Variants in MYH11 observed in about 807,000 individuals in gnomAD.
MYH11 encodes myosin heavy chain 11.
A neutral mutation model predicts 246.6 loss-of-function variants in MYH11; 80 were observed. The ratio of observed to expected loss-of-function variants is 0.32; its 90% CI spans 0.27 to 0.39. The LOEUF is 0.39. MYH11 is among the 10% of genes least tolerant of loss of function. The pLI, the probability that MYH11 is intolerant of heterozygous loss-of-function variation, is 1.00. For synonymous variants in MYH11, 1,071 were observed against 1,015.5 expected (o/e 1.05, Z -1.04); for missense variants, 2,158 against 2,546.8 (o/e 0.85, Z 3.29).
At chr16:15,763,741 T>TTC in intron 10 of MYH11, 55 bp downstream of exon 10, 6 of 646,862 alleles carry the variant, frequency 9.3e-6, no homozygotes, top group Admixed American at 2.1e-5. Flanking sequence ...AAATGTCACC[T>TTC]CCCCCACCCC....
chr16:15,804,925 T>G (rs961567239), intron 3 of MYH11, among the ~76,000 whole-genome samples: 8 of 152,230 alleles, frequency 5.3e-5, no homozygotes, highest in African/African-American at 1.9e-4. Context: ...ACATTTGGGT[T>G]ATTTCCACCT....
intron 3 of MYH11, among the ~76,000 whole-genome samples, chr16:15,818,464 G>A (rs186830678): frequency 1.2e-3 from 178 of 151,872 alleles, no homozygotes; most frequent in Admixed American, 6.0e-3. Context: ...ATGGAGTCTC[G>A]CTTTGTTGCC....
intron 3 of MYH11, among the ~76,000 whole-genome samples, chr16:15,803,003 G>A (rs931982981): frequency 3.3e-5 from 5 of 151,810 alleles, no homozygotes; most frequent in African/African-American, 9.7e-5. Context: ...CAGGCATGGC[G>A]GCAGGCACCT....
chr16:15,763,760 C>CCAAA, intron 10 of MYH11, 36 bp downstream of exon 10: 2 of 1,192,084 alleles, frequency 1.7e-6, no homozygotes, highest in Non-Finnish European at 1.3e-6. Context: ...CCCCCAACCC[C>CCAAA]AAAGTCATTG....
chr16:15,814,371 G>A (rs931539825), intron 3 of MYH11, among the ~76,000 whole-genome samples: 1 of 151,646 alleles, frequency 6.6e-6, no homozygotes, highest in Non-Finnish European at 1.5e-5. Context: ...TGACCAACAT[G>A]GTTGAACCCC....
chr16:15,719,739 G>A, intron 34 of MYH11, 26 bp from the exon 35 acceptor site: 2 of 1,613,872 alleles, frequency 1.2e-6, no homozygotes, highest in Non-Finnish European at 1.7e-6. Context: ...GGGAGGACAA[G>A]CTCAGATGTC....
intron 1 of MYH11, among the ~76,000 whole-genome samples, chr16:15,842,159 G>A (rs988681331): frequency 1.3e-5 from 2 of 152,164 alleles, no homozygotes; most frequent in Non-Finnish European, 2.9e-5. Flanking sequence ...GGCCAAGGCC[G>A]GTGGAACACC....
intron 3 of MYH11, among the ~76,000 whole-genome samples, chr16:15,806,279 C>CAAAAAAAAAA (rs71134463): frequency 4.9e-5 from 3 of 61,126 alleles, no homozygotes; most frequent in African/African-American, 5.5e-5. Context: ...CACTCTGTCT[C>CAAAAAAAAAA]AAAAAAAAAA....
intron 2 of MYH11, among the ~76,000 whole-genome samples, chr16:15,829,561 G>A (rs777777649): frequency 1.3e-5 from 2 of 152,108 alleles, no homozygotes; most frequent in Non-Finnish European, 2.9e-5. Context: ...CTGCCTCTCT[G>A]GCCCCACGAG....
chr16:15,742,240 G>T, intron 20 of MYH11: 1 of 405,812 alleles, frequency 2.5e-6, no homozygotes, highest in South Asian at 2.3e-5. Context: ...CCCCACTTTA[G>T]AACCATCCCA....
chr16:15,820,390 C>T (rs1161337856), intron 3 of MYH11, among the ~76,000 whole-genome samples: 3 of 151,122 alleles, frequency 2.0e-5, no homozygotes, highest in Admixed American at 6.6e-5. Flanking sequence ...AGTAGAATCG[C>T]TTGAACCCAG....
At chr16:15,852,654 C>A (rs72773918) in intron 1 of MYH11, among the ~76,000 whole-genome samples, 7,059 of 152,096 alleles carry the variant, frequency 0.046, 254 homozygotes, top group East Asian at 0.17. Context: ...TGTCTTTAGC[C>A]AGTCATTTGC....
chr16:15,779,198 C>G, intron 6 of MYH11: 1 of 387,380 alleles, frequency 2.6e-6, no homozygotes, highest in South Asian at 2.2e-5. Context: ...GGTGCAATCA[C>G]AGCTCACTGT....
intron 36 of MYH11, 64 bp downstream of exon 36, chr16:15,719,156 C>A: frequency 6.1e-6 from 9 of 1,477,500 alleles, no homozygotes; most frequent in South Asian, 5.7e-5. Context: ...AAATGGGGGT[C>A]GAGGATGCTG....
At chr16:15,799,098 G>A (rs2042822013) in intron 3 of MYH11, among the ~76,000 whole-genome samples, 1 of 152,094 alleles carries the variant, frequency 6.6e-6, no homozygotes, top group African/African-American at 2.4e-5. Context: ...CCATGCCTCA[G>A]TTCCTTCATC....
chr16:15,770,080 AAAGC>A (rs2042065197), intron 9 of MYH11, among the ~76,000 whole-genome samples: 1 of 151,880 alleles, frequency 6.6e-6, no homozygotes, highest in South Asian at 2.1e-4. Context: ...TTGTTATTTA[AAAGC>A]AAGATTAGAA....
intron 40 of MYH11, chr16:15,712,882 G>GTTTTTTTTTTGTTTTTTTTTTTTTGTTT (rs2039888905): frequency 2.2e-5 from 2 of 90,634 alleles, no homozygotes; most frequent in South Asian, 3.6e-4. Context: ...TTCACATACA[G>GTTTTTTTTTTGTTTTTTTTTTTTTGTTT]TTTTTTTTTT....
intron 3 of MYH11, among the ~76,000 whole-genome samples, chr16:15,815,261 G>A (rs1416130132): frequency 2.0e-5 from 3 of 152,124 alleles, no homozygotes; most frequent in African/African-American, 7.2e-5. Flanking sequence ...ACAGACAGAA[G>A]TTAAAACAAT....
intron 1 of MYH11, among the ~76,000 whole-genome samples, chr16:15,854,161 A>G (rs1374445249): frequency 6.6e-6 from 1 of 152,242 alleles, no homozygotes; most frequent in East Asian, 1.9e-4. Flanking sequence ...AACGAGGTTT[A>G]TGAGATCAAA....
Sources: allele counts gnomAD v4.1 joint callset (sites outside exome capture counted in the v4.1 genomes callset), GRCh38; gene constraint gnomAD v4.1.1; transcripts MANE v1.5; gene names NCBI Gene and HGNC (gene_info 2026-07-23, HGNC 2026-07-21).